Variants in ARHGEF11 observed in about 807,000 individuals in gnomAD.
The protein encoded by ARHGEF11 is Rho guanine exchange factor (GEF) 11.
In ARHGEF11, 55 loss-of-function variants were observed where a neutral mutation model predicts 193.7. That is an observed-to-expected ratio of 0.28 (90% CI 0.23 to 0.36). The LOEUF is 0.36. ARHGEF11 is among the 10% of genes least tolerant of loss of function. The probability of loss-of-function intolerance (pLI) is 1.00; values close to 1 mark genes in which losing one functional copy is unlikely to be tolerated. For missense variants in ARHGEF11, 1,723 were observed against 2,005.6 expected (o/e 0.86, Z 2.69); for synonymous variants, 693 against 768.0 (o/e 0.90, Z 1.62).
In ARHGEF11 at chr1:157,044,477, G is replaced by T. The variant is rs1673134625; in HGVS notation, c.-147C>A. ...TTCTCCTCCAGCTCTCAGGACCCTG[G>T]TAACTGATGCTCCACTCTACTTCTA... On this transcript the variant is annotated 5_prime_UTR_variant, in exon 1 of 41. Transcript: ENST00000368194. 4.2e-6 allele frequency: 3 copies of T among 718,874 alleles called. No individual in the cohort carries two copies. The highest frequency in any genetic ancestry group is 2.0e-5 in the Admixed American group (1 of 48,868). 44.5% of individuals were successfully genotyped at this position (718,874 alleles called of 1,614,324 possible).
chr1:157,041,098 A>ATGT (rs767507193), intron 1 of ARHGEF11, among the ~76,000 whole-genome samples: 41 of 152,326 alleles, frequency 2.7e-4, no homozygotes, highest in South Asian at 1.0e-3. Flanking sequence ...CAGAGGAAAG[A>ATGT]TGTTTCATGG....
intron 1 of ARHGEF11, among the ~76,000 whole-genome samples, chr1:157,035,935 G>A (rs1170869370): frequency 1.4e-5 from 1 of 69,966 alleles, no homozygotes; most frequent in African/African-American, 4.3e-5. Context: ...ATATATATAT[G>A]AATCTATATA....
intron 38 of ARHGEF11, 128 bp downstream of exon 38, chr1:156,938,290 T>C (rs1655948331): frequency 1.2e-6 from 1 of 813,152 alleles, no homozygotes; most frequent in Non-Finnish European, 1.9e-6. Flanking sequence ...ATCTTCCTCC[T>C]CCCCATTCCA....
chr1:156,955,562 G>A (rs1557853831), intron 20 of ARHGEF11, 141 bp downstream of exon 20: 1 of 702,498 alleles, frequency 1.4e-6, no homozygotes, highest in Non-Finnish European at 2.6e-6. Flanking sequence ...GATTTGGCAA[G>A]GGGAGAAAGT....
At chr1:157,036,160 AAT>A (rs1412890136) in intron 1 of ARHGEF11, among the ~76,000 whole-genome samples, 22 of 142,494 alleles carry the variant, frequency 1.5e-4, no homozygotes, top group African/African-American at 4.6e-4. Flanking sequence ...TACATATATG[AAT>A]ATATATATGA....
chr1:156,987,246 A>T (rs1242144307), intron 1 of ARHGEF11, among the ~76,000 whole-genome samples: 1 of 152,240 alleles, frequency 6.6e-6, no homozygotes, highest in Non-Finnish European at 1.5e-5. Context: ...GTGATGGCAA[A>T]GCACTGGAAA....
chr1:157,016,515 C>T lies in ARHGEF11; in HGVS notation c.32+27784G>A, dbSNP rs559796923. Among the ~76,000 whole-genome samples the T allele has an allele frequency of 1.2e-4, 19 of 152,294 alleles. 1 individual carries two copies. The South Asian group carries it at 3.9e-3, about 32-fold the overall frequency. On this transcript the variant is annotated intron_variant, in intron 1 of 40. Transcript: ENST00000368194. ...GATTACAGGCGTGAGCCACGGTGCC[C>T]AGCCTAATATTCCTGTTTTTAAAAT...
chr1:156,943,789 C>G (rs1274003333), intron 32 of ARHGEF11, 146 bp downstream of exon 32: 1 of 1,033,464 alleles, frequency 9.7e-7, no homozygotes, highest in African/African-American at 1.6e-5. Flanking sequence ...GCCAGTCCTA[C>G]CACTTAGGCT....
At chr1:156,990,282 ATTT>A (rs1157319467) in intron 1 of ARHGEF11, among the ~76,000 whole-genome samples, 1 of 152,224 alleles carries the variant, frequency 6.6e-6, no homozygotes, top group African/African-American at 2.4e-5. Context: ...CATGTTAAAC[ATTT>A]TTAAGAGACT....
intron 9 of ARHGEF11, 137 bp downstream of exon 9, chr1:156,969,861 T>G: frequency 3.5e-6 from 3 of 853,194 alleles, no homozygotes; most frequent in Non-Finnish European, 3.8e-6. Flanking sequence ...TTGTACTGCT[T>G]TCTCCCATTA....
Position 156,937,465 on chromosome 1 carries a change from T to C in ARHGEF11, c.4224A>G (p.Gly1408=), listed in dbSNP as rs1036729731. The C allele has an allele frequency of 1.3e-6, 2 of 1,533,868 alleles. No individual in the cohort carries two copies. Among genetic ancestry groups the C allele is most frequent in the Non-Finnish European group, 1.7e-6 (2 of 1,143,984 alleles). ...GNCFYVSMPS[G]PPDSSTDHSE... ...AGTGGTCGGTGCTTGAGTCCGGGGGTCCTGATGGCATGCTGACATAAAAGC... is the reference window on the plus strand; with the variant it reads ...AGTGGTCGGTGCTTGAGTCCGGGGGCCCTGATGGCATGCTGACATAAAAGC... The change falls in exon 39 of 41, where the codon GGA becomes GGG. Residue 1408 remains glycine (G), a synonymous_variant. Transcript: ENST00000368194.
chr1:156,948,410 G>A lies in ARHGEF11; in HGVS notation c.2014C>T (p.Arg672Cys), dbSNP rs1415918437. The change falls in exon 23 of 41, where the codon CGC becomes TGC. Residue 672 changes from arginine (R) to cysteine (C), a missense_variant. Arg to Cys is a radical substitution (Grantham distance 180). This residue lies in a region of ARHGEF11 where 491 missense variants were observed against 654.5 expected (regional missense o/e 0.75). Transcript: ENST00000368194. The surrounding 1 kb of genome is among the most constrained non-coding windows in gnomAD (Gnocchi z 4.2). ...TCCATGTCAACATCACTGCGAGAGCGGGGCACGTTCTCTGCCTTTCGAGAC... is the reference window on the plus strand; with the variant it reads ...TCCATGTCAACATCACTGCGAGAGCAGGGCACGTTCTCTGCCTTTCGAGAC... ...KRSRKAENVP[R>C]SRSDVDMDAA... 2 of 1,614,224 alleles carry A rather than the reference G, an allele frequency of 1.2e-6. No homozygotes were observed. The highest frequency in any genetic ancestry group is 1.7e-6 in the Non-Finnish European group (2 of 1,180,044).
Position 156,948,453 on chromosome 1 carries a change from G to C in ARHGEF11, c.1971C>G (p.Gly657=). Residue 657 remains glycine (G), a synonymous_variant, in exon 23 of 41, where the codon GGC becomes GGG. Transcript: ENST00000368194. The surrounding 1 kb of genome is among the most constrained non-coding windows in gnomAD (Gnocchi z 4.2). ...TTCGAGACCGTTTCATCTCTTCCCG[G>C]CCCTTGAGGCTTTCAGAGCGGCCCA... ...IRLGRSESLK[G]REEMKRSRKA... 6.2e-7 allele frequency: 1 copy of C among 1,614,228 alleles called. No homozygotes were observed. Among genetic ancestry groups the C allele is most frequent in the African/African-American group, 1.3e-5 (1 of 75,054 alleles).
At chr1:157,038,117 T>C (rs1423535690) in intron 1 of ARHGEF11, among the ~76,000 whole-genome samples, 1 of 146,290 alleles carries the variant, frequency 6.8e-6, no homozygotes, top group African/African-American at 2.5e-5. Flanking sequence ...CACTGAGCCA[T>C]CTGATAAATA....
intron 1 of ARHGEF11, among the ~76,000 whole-genome samples, chr1:157,031,817 G>A (rs1032418548): frequency 3.9e-5 from 6 of 152,272 alleles, no homozygotes; most frequent in African/African-American, 1.4e-4. Flanking sequence ...TAGAACAACC[G>A]ATCACTCTGT....
In ARHGEF11 at chr1:157,044,347, C is replaced by T. The variant is rs1222752679; in HGVS notation, c.-17G>A. On this transcript the variant is annotated 5_prime_UTR_variant, in exon 1 of 41. Transcript: ENST00000368194. ...TACACTCATGGTTTCTCGGTGTCTC[C>T]ACGGTTCCAGAATCCTGTAGCTTTG... 3 of 1,613,474 alleles carry T rather than the reference C, an allele frequency of 1.9e-6. No individual in the cohort carries two copies.
chr1:157,041,456 G>C (rs1672740637), intron 1 of ARHGEF11, among the ~76,000 whole-genome samples: 1 of 152,184 alleles, frequency 6.6e-6, no homozygotes, highest in African/African-American at 2.4e-5. Flanking sequence ...TACAGGAGAT[G>C]AAAGACTGCC....
rs774681732 is a variant in ARHGEF11, at chr1:156,946,947, T to A, written c.2557A>T (p.Met853Leu). ...GTTTGGAGCCATACCCGGGCCAGCA[T>A]GAGGTCACTGATCTCTTTGATGATG... ...GPIIKEISDL[M>L]LARFDGPARE... The change falls in exon 27 of 41, where the codon ATG (methionine) becomes TTG (leucine). Residue 853 changes from methionine to leucine, a missense_variant. By Grantham distance (15) the Met-to-Leu change is conservative (BLOSUM62 2). Transcript: ENST00000368194. The A allele has an allele frequency of 2.5e-6, 4 of 1,614,002 alleles. No individual in the cohort carries two copies. The South Asian group carries it at 4.4e-5, about 18-fold the overall frequency.
Position 156,956,642 on chromosome 1 carries a change from G to A in ARHGEF11, c.1527-78C>T, listed in dbSNP as rs932616713. On this transcript the variant is annotated intron_variant, in intron 18 of 40. Transcript: ENST00000368194. ...TGCCAAACAATCTCTTCACCACCAC[G>A]CAGTGGAGTGGGGAAGGGGTAGTTA... 62 of 1,576,066 alleles carry A rather than the reference G, an allele frequency of 3.9e-5. No homozygotes were observed. In the African/African-American group the frequency reaches 5.1e-4, roughly 13 times the overall value.
Sources: gnomAD v4.1 joint callset for allele counts (sites outside exome capture counted in the v4.1 genomes callset) on GRCh38, gnomAD v4.1.1 for gene constraint, gnomAD v4.1.1 regional missense constraint, Gnocchi (gnomAD v3.1) non-coding constraint, MANE v1.5 for transcripts, NCBI Gene and HGNC (gene_info 2026-07-23, HGNC 2026-07-21) for gene names.